ING5: variants seen among roughly 807,000 people sequenced by gnomAD.
ING5 encodes the protein inhibitor of growth family member 5.
In ING5, 17 loss-of-function variants were observed where a neutral mutation model predicts 37.4. That is an observed-to-expected ratio of 0.45 (90% CI 0.31 to 0.68). ING5 has a LOEUF of 0.68. Ranked by LOEUF, ING5 falls within the 30% of genes least tolerant of loss-of-function variation. The pLI is 0.05. For synonymous variants in ING5, 123 were observed against 116.6 expected, an observed-to-expected ratio of 1.06 and a Z score of -0.36; for missense variants, 233 against 311.9, an observed-to-expected ratio of 0.75 and a Z score of 1.91.
chr2:241,714,184 A>C (rs1357691791), intron 5 of ING5, among the ~76,000 whole-genome samples: 1 of 152,144 alleles, frequency 6.6e-6, no homozygotes, highest in East Asian at 1.9e-4. Context: ...CCTGCCCCCA[A>C]ATAAACATGA....
rs201320254 is a variant in ING5, at chr2:241,704,646, G to A, written c.38-7G>A. The A allele has an allele frequency of 2.6e-5, 42 of 1,613,396 alleles. No homozygotes were observed. Among genetic ancestry groups the A allele is most frequent in the Non-Finnish European group, 3.1e-5 (37 of 1,179,368 alleles). ...AGGTACATGGCTTCTGTGTTTTTGC[G>A]TTTCAGGTATCGAGAACCTTCCCTG... On this transcript the variant is annotated splice_polypyrimidine_tract_variant and splice_region_variant and intron_variant, in intron 1 of 7. Transcript: ENST00000313552.
chr2:241,721,176 C>A lies in ING5; in HGVS notation c.483-1763C>A, dbSNP rs1032763934. 4.1e-6 allele frequency: 4 copies of A among 985,468 alleles called. No homozygotes were observed. The South Asian group carries it at 1.9e-4, about 46-fold the overall frequency. 61.0% of individuals were successfully genotyped at this position (985,468 alleles called of 1,614,324 possible). A position where few individuals can be genotyped will look rare whatever the true frequency, so the allele number is the denominator to read the frequency against. On this transcript the variant is annotated intron_variant, in intron 5 of 7. Coordinates refer to ENST00000313552, the MANE Select transcript of ING5 (RefSeq NM_032329.6). ...CGGGTGAGAGGTGACTCGAGGAGAC[C>A]GCAGGAGCCCCTTGGAGGTGAAGCC...
upstream of ING5, chr2:241,701,909 C>T: frequency 2.9e-6 from 1 of 347,282 alleles, no homozygotes; most frequent in Non-Finnish European, 4.9e-6. Flanking sequence ...CGCAGCCCGC[C>T]GCCCGCCGGA....
At chr2:241,721,536 C>G in intron 5 of ING5, 1 of 985,434 alleles carries the variant, frequency 1.0e-6, no homozygotes, top group Non-Finnish European at 1.2e-6. Flanking sequence ...AAGCTTTAGA[C>G]AGGTATCCAA....
chr2:241,719,906 G>T (rs555282976), intron 5 of ING5: 18 of 1,321,638 alleles, frequency 1.4e-5, no homozygotes, highest in Non-Finnish European at 2.9e-6. Context: ...CACCGATGGC[G>T]ACAGTTGCGG....
chr2:241,698,327 TC>T (rs2069660470), upstream of ING5, among the ~76,000 whole-genome samples: 1 of 151,218 alleles, frequency 6.6e-6, no homozygotes, highest in Non-Finnish European at 1.5e-5. Flanking sequence ...CACCTGTAGT[TC>T]CAGCTACTCA....
At chr2:241,694,468 A>G (rs2069602872) in intron 2 of ING5, among the ~76,000 whole-genome samples, 1 of 152,134 alleles carries the variant, frequency 6.6e-6, no homozygotes, top group Admixed American at 6.6e-5. Context: ...AGTAAAAGAT[A>G]TAAAGGAGAA....
Position 241,721,152 on chromosome 2 carries a change from G to A in ING5, c.483-1787G>A, listed in dbSNP as rs934560487. ...CAGAGGGTGCTGCCCTGCTCTCCGC[G>A]GGTGAGAGGTGACTCGAGGAGACCG... On this transcript the variant is annotated intron_variant, in intron 5 of 7. Transcript: ENST00000313552. The A allele has an allele frequency of 3.0e-5, 30 of 985,454 alleles. 1 individual carries two copies. The highest frequency in any genetic ancestry group is 4.7e-5 in the South Asian group (1 of 21,294). 61.0% of individuals were successfully genotyped at this position (985,454 alleles called of 1,614,324 possible).
upstream of ING5, among the ~76,000 whole-genome samples, chr2:241,700,384 C>T (rs974489873): frequency 6.6e-6 from 1 of 151,768 alleles, no homozygotes; most frequent in African/African-American, 2.4e-5. Context: ...GTCTCAATCT[C>T]CTGACCTCGT....
At chr2:241,720,221 T>C (rs2070395998) in intron 5 of ING5, 1 of 1,231,788 alleles carries the variant, frequency 8.1e-7, no homozygotes, top group Non-Finnish European at 1.0e-6. Flanking sequence ...GGAGCCCGCC[T>C]GCCCCTGGGC....
At chr2:241,701,900 G>A, upstream of ING5, 2 of 354,472 alleles carry the variant, frequency 5.6e-6, no homozygotes, top group East Asian at 4.5e-5. Context: ...CCCGGGCCCC[G>A]CAGCCCGCCG....
upstream of ING5, among the ~76,000 whole-genome samples, chr2:241,698,953 C>G (rs1473696948): frequency 1.3e-5 from 2 of 151,970 alleles, no homozygotes; most frequent in Non-Finnish European, 2.9e-5. Context: ...GTCTCGAACT[C>G]CCGACCTCAG....
chr2:241,721,480 G>A, intron 5 of ING5: 1 of 985,614 alleles, frequency 1.0e-6, no homozygotes. Context: ...TGCATGCTGA[G>A]CCCGAGTGTG....
chr2:241,687,526 T>TTG (rs2069458983), exon 1 of ING5: 4 of 391,946 alleles, frequency 1.0e-5, no homozygotes, highest in Non-Finnish European at 1.8e-5. Context: ...TGTGTGTGTT[T>TTG]TTGTTGTTTT....
intron 7 of ING5, chr2:241,723,971 C>T: frequency 7.9e-7 from 1 of 1,264,626 alleles, no homozygotes; most frequent in Non-Finnish European, 1.1e-6. Context: ...GATCGCGCCA[C>T]TGCACTCCAG....
chr2:241,701,495 C>A (rs914785349), upstream of ING5, among the ~76,000 whole-genome samples: 1 of 152,158 alleles, frequency 6.6e-6, no homozygotes, highest in African/African-American at 2.4e-5. Context: ...GGGCCCAGGC[C>A]CTGAGGGAGG....
chr2:241,711,126 T>G (rs2070099920), intron 3 of ING5, among the ~76,000 whole-genome samples: 1 of 152,204 alleles, frequency 6.6e-6, no homozygotes, highest in African/African-American at 2.4e-5. Context: ...CAACTCTGCT[T>G]CTCATTATTG....
At chr2:241,706,161 G>A (rs544912608) in intron 2 of ING5, among the ~76,000 whole-genome samples, 39 of 152,226 alleles carry the variant, frequency 2.6e-4, no homozygotes, top group African/African-American at 8.9e-4. Flanking sequence ...AGTCCTGATT[G>A]TTTCCATGCC....
Position 241,713,985 on chromosome 2 carries a change from G to A in ING5, c.482+1914G>A, listed in dbSNP as rs577355391. ...AGCCTGGGTGACAGAGCAAAACTCC[G>A]TCTCAAAAAAAAAAAAAAAATCCCA... On this transcript the variant is annotated intron_variant, in intron 5 of 7. Transcript: ENST00000313552. Among the ~76,000 whole-genome samples, 9 of 146,888 alleles carry A rather than the reference G, an allele frequency of 6.1e-5. No homozygotes were observed. The East Asian group carries it at 7.9e-4, about 13-fold the overall frequency.
Sources: gnomAD v4.1 joint callset for allele counts (sites outside exome capture counted in the v4.1 genomes callset) on GRCh38, gnomAD v4.1.1 for gene constraint, MANE v1.5 for transcripts, NCBI Gene and HGNC (gene_info 2026-07-23, HGNC 2026-07-21) for gene names.